PLCB4: variants seen among roughly 807,000 people sequenced by gnomAD.
The protein encoded by PLCB4 is 1-phosphatidylinositol 4,5-bisphosphate phosphodiesterase beta-4.
A neutral mutation model predicts 178.8 loss-of-function variants in PLCB4; 77 were observed. The ratio of observed to expected loss-of-function variants is 0.43; its 90% CI spans 0.36 to 0.52. The LOEUF (loss-of-function observed/expected upper bound fraction) is 0.52, where lower values mean the gene tolerates loss of function less well. PLCB4 is among the 20% of genes least tolerant of loss of function. The probability of loss-of-function intolerance (pLI) is 0.00; values close to 1 mark genes in which losing one functional copy is unlikely to be tolerated. For missense variants in PLCB4, 1,024 were observed against 1,453.4 expected, an observed-to-expected ratio of 0.70 and a Z score of 4.80; for synonymous variants, 496 against 490.8, an observed-to-expected ratio of 1.01 and a Z score of -0.14.
chr20:9,384,795 C>CTT (rs528218872), intron 14 of PLCB4, among the ~76,000 whole-genome samples: 10 of 131,076 alleles, frequency 7.6e-5, no homozygotes, highest in African/African-American at 1.7e-4. Flanking sequence ...TGTAAATTAG[C>CTT]TTTTTTTTTT....
chr20:9,470,548 T>C (rs2044119662), intron 36 of PLCB4, among the ~76,000 whole-genome samples: 1 of 152,212 alleles, frequency 6.6e-6, no homozygotes, highest in South Asian at 2.1e-4. Flanking sequence ...AATAGCTTTT[T>C]ACCATCTTTT....
intron 3 of PLCB4, among the ~76,000 whole-genome samples, chr20:9,295,590 C>T (rs1277667133): frequency 6.6e-6 from 1 of 152,054 alleles, no homozygotes; most frequent in Non-Finnish European, 1.5e-5. Context: ...AACAAGATGA[C>T]TTTTGTATAA....
At chr20:9,198,730 G>A (rs2093503894) in intron 2 of PLCB4, among the ~76,000 whole-genome samples, 1 of 152,150 alleles carries the variant, frequency 6.6e-6, no homozygotes, top group South Asian at 2.1e-4. Context: ...TCACTCACTT[G>A]TCCTTAGATT....
chr20:9,347,021 C>T (rs1016030662), intron 7 of PLCB4, among the ~76,000 whole-genome samples: 3 of 152,196 alleles, frequency 2.0e-5, no homozygotes, highest in Admixed American at 1.3e-4. Flanking sequence ...GTGTCTCATC[C>T]GTGATGGCGC....
rs374443746 is a variant in PLCB4 at position 9,338,000 on chromosome 20, C to G, written c.166-8C>G. 38 of 1,608,470 alleles carry G rather than the reference C, an allele frequency of 2.4e-5. No individual in the cohort carries two copies. In the East Asian group the frequency reaches 6.5e-4, roughly 27 times the overall value. On this transcript the variant is annotated splice_region_variant and splice_polypyrimidine_tract_variant and intron_variant, in intron 5 of 39. Transcript: ENST00000378473. ...AGCTCATTGCTGTGTTGTATTCTCT[C>G]TCTTCAGGAAGGACAGGTGCTAGAA...
intron 2 of PLCB4, among the ~76,000 whole-genome samples, chr20:9,111,678 C>T (rs1006984507): frequency 6.6e-6 from 1 of 152,138 alleles, no homozygotes; most frequent in Non-Finnish European, 1.5e-5. Context: ...AAAGACCTGA[C>T]AAAAATAGAC....
chr20:9,134,848 T>A (rs1477162202), intron 2 of PLCB4, among the ~76,000 whole-genome samples: 1 of 152,190 alleles, frequency 6.6e-6, no homozygotes, highest in African/African-American at 2.4e-5. Flanking sequence ...TTTGGCATTA[T>A]TTTAAATAGG....
chr20:9,181,545 C>T (rs73091700), intron 2 of PLCB4, among the ~76,000 whole-genome samples: 3,156 of 152,210 alleles, frequency 0.021, 48 homozygotes, highest in Non-Finnish European at 0.033. Context: ...CTGCAGATTC[C>T]GTGTCTGGAG....
intron 3 of PLCB4, among the ~76,000 whole-genome samples, chr20:9,299,795 T>C (rs1163946363): frequency 1.3e-5 from 2 of 152,038 alleles, no homozygotes; most frequent in Non-Finnish European, 2.9e-5. Context: ...TTACATAGGA[T>C]AAATCCTACT....
intron 31 of PLCB4, 29 bp from the exon 32 acceptor site, chr20:9,444,149 C>A: frequency 6.5e-7 from 1 of 1,540,502 alleles, no homozygotes; most frequent in South Asian, 1.2e-5. Context: ...AACAAAAAAC[C>A]TATTTTTGAT....
chr20:9,256,238 G>T (rs1399404369), intron 3 of PLCB4, among the ~76,000 whole-genome samples: 1 of 152,162 alleles, frequency 6.6e-6, no homozygotes, highest in Non-Finnish European at 1.5e-5. Context: ...TCCAGAGCTG[G>T]TTCAAGAGCT....
intron 25 of PLCB4, among the ~76,000 whole-genome samples, chr20:9,414,656 C>T (rs1294376479): frequency 6.6e-6 from 1 of 152,182 alleles, no homozygotes; most frequent in African/African-American, 2.4e-5. Context: ...TGGGAAAACC[C>T]TCTGTGCTCC....
intron 2 of PLCB4, among the ~76,000 whole-genome samples, chr20:9,096,975 C>T (rs996025804): frequency 6.6e-6 from 1 of 151,902 alleles, no homozygotes; most frequent in Non-Finnish European, 1.5e-5. Context: ...CGCTCTGTCA[C>T]CCAGGCTGGA....
intron 2 of PLCB4, among the ~76,000 whole-genome samples, chr20:9,174,438 C>T (rs886546967): frequency 1.3e-5 from 2 of 151,212 alleles, no homozygotes; most frequent in African/African-American, 2.4e-5. Context: ...AGCCACTGCA[C>T]CTGGCCTATT....
chr20:9,125,456 A>G (rs1300325714), intron 2 of PLCB4, among the ~76,000 whole-genome samples: 1 of 151,984 alleles, frequency 6.6e-6, no homozygotes, highest in Non-Finnish European at 1.5e-5. Flanking sequence ...CATTTTCTTC[A>G]CCTAAAGTAG....
intron 26 of PLCB4, 73 bp from the exon 27 acceptor site, chr20:9,421,218 TTCTTAC>T: frequency 1.8e-6 from 2 of 1,118,674 alleles, no homozygotes; most frequent in South Asian, 3.4e-5. Context: ...AAGACAGAAT[TTCTTAC>T]TTCCTGATTA....
chr20:9,099,031 G>A (rs966661369), intron 2 of PLCB4, among the ~76,000 whole-genome samples: 1 of 151,620 alleles, frequency 6.6e-6, no homozygotes, highest in African/African-American at 2.4e-5. Flanking sequence ...GAATTAAGAG[G>A]TGCTTTTTTA....
At chr20:9,170,783 G>A (rs192833497) in intron 2 of PLCB4, among the ~76,000 whole-genome samples, 38 of 152,224 alleles carry the variant, frequency 2.5e-4, no homozygotes, top group Non-Finnish European at 4.9e-4. Flanking sequence ...TCACAGAGTC[G>A]GTAAAACCTC....
At chr20:9,107,399 T>A (rs909943112) in intron 2 of PLCB4, among the ~76,000 whole-genome samples, 3 of 151,966 alleles carry the variant, frequency 2.0e-5, no homozygotes, top group Admixed American at 2.0e-4. Flanking sequence ...GAGCAGAGGG[T>A]GTGTTGTCAT....
Sources: gnomAD v4.1 joint callset for allele counts (sites outside exome capture counted in the v4.1 genomes callset) on GRCh38, gnomAD v4.1.1 for gene constraint, MANE v1.5 for transcripts, NCBI Gene and HGNC (gene_info 2026-07-23, HGNC 2026-07-21) for gene names.